Variants in ATP6V1D observed in about 807,000 individuals in gnomAD.
The protein encoded by ATP6V1D is ATPase H+ transporting V1 subunit D.
A neutral mutation model predicts 39.4 loss-of-function variants in ATP6V1D; 20 were observed. That is an observed-to-expected ratio of 0.51 (90% CI 0.36 to 0.74). ATP6V1D has a LOEUF of 0.74. ATP6V1D is among the 30% of genes least tolerant of loss of function. ATP6V1D has a pLI of 0.00. For synonymous variants in ATP6V1D, 100 were observed against 100.5 expected (o/e 0.99, Z 0.03); for missense variants, 228 against 291.6 (o/e 0.78, Z 1.59).
intron 1 of ATP6V1D, among the ~76,000 whole-genome samples, chr14:67,355,298 T>C (rs1398685101): frequency 6.6e-6 from 1 of 151,584 alleles, no homozygotes; most frequent in African/African-American, 2.4e-5. Context: ...GTCTCCTCAC[T>C]TCCTTGTTTC....
intron 5 of ATP6V1D, among the ~76,000 whole-genome samples, chr14:67,346,779 T>C (rs889345468): frequency 2.0e-5 from 3 of 152,232 alleles, no homozygotes; most frequent in Non-Finnish European, 2.9e-5. Context: ...AAGATCTTAT[T>C]TGACTTTAAA....
intron 1 of ATP6V1D, among the ~76,000 whole-genome samples, chr14:67,359,311 A>G (rs1277463830): frequency 1.1e-4 from 17 of 152,182 alleles, no homozygotes; most frequent in Admixed American, 1.1e-3. Flanking sequence ...TGAGCTCTGT[A>G]GGGCAGAGGT....
intron 1 of ATP6V1D, among the ~76,000 whole-genome samples, chr14:67,356,230 G>C (rs1176620663): frequency 6.6e-6 from 1 of 151,976 alleles, no homozygotes; most frequent in Non-Finnish European, 1.5e-5. Context: ...GACCACCCTG[G>C]CCAACATAGT....
At chr14:67,350,522 ATT>A in intron 3 of ATP6V1D, 87 bp downstream of exon 3, 1 of 1,180,572 alleles carries the variant, frequency 8.5e-7, no homozygotes, top group Non-Finnish European at 1.2e-6. Flanking sequence ...CTTAACGCTT[ATT>A]TCTAAATTAA....
intron 2 of ATP6V1D, chr14:67,352,692 G>A (rs146455659): frequency 6.7e-4 from 271 of 403,682 alleles, no homozygotes; most frequent in African/African-American, 5.2e-3. Context: ...AATAAGGTAA[G>A]AGAGGCAGGC....
At chr14:67,341,110 G>A (rs1393920611) in intron 7 of ATP6V1D, among the ~76,000 whole-genome samples, 1 of 152,242 alleles carries the variant, frequency 6.6e-6, no homozygotes, top group African/African-American at 2.4e-5. Context: ...TCTGGGAAGT[G>A]AGGAGCCTCT....
At chr14:67,348,669 G>A (rs993640262) in intron 4 of ATP6V1D, among the ~76,000 whole-genome samples, 5 of 151,046 alleles carry the variant, frequency 3.3e-5, no homozygotes, top group African/African-American at 4.9e-5. Flanking sequence ...CTACAGGCGC[G>A]TGCCACCAAA....
At chr14:67,352,451 C>T (rs2085661726) in intron 2 of ATP6V1D, among the ~76,000 whole-genome samples, 1 of 149,890 alleles carries the variant, frequency 6.7e-6, no homozygotes, top group Non-Finnish European at 1.5e-5. Flanking sequence ...AAGAAAAAGA[C>T]TAGAAATAAA....
intron 1 of ATP6V1D, among the ~76,000 whole-genome samples, chr14:67,356,434 C>CAAAAAAAAAAAAAAAAA (rs11323157): frequency 2.3e-5 from 3 of 129,742 alleles, no homozygotes; most frequent in Non-Finnish European, 3.6e-5. Flanking sequence ...AAAACAAAAA[C>CAAAAAAAAAAAAAAAAA]AAAAAAAAAA....
intron 7 of ATP6V1D, among the ~76,000 whole-genome samples, chr14:67,341,774 C>T (rs930991119): frequency 2.0e-5 from 3 of 152,192 alleles, no homozygotes; most frequent in Admixed American, 6.5e-5. Flanking sequence ...ATAGAGAAAT[C>T]GGATGGTTGC....
chr14:67,355,619 C>G (rs2085680561), intron 1 of ATP6V1D, among the ~76,000 whole-genome samples: 1 of 151,762 alleles, frequency 6.6e-6, no homozygotes, highest in Admixed American at 6.6e-5. Context: ...CTAGAACAGC[C>G]AAAGGAGCCA....
intron 7 of ATP6V1D, among the ~76,000 whole-genome samples, chr14:67,341,577 C>T (rs1167698548): frequency 1.1e-4 from 16 of 151,172 alleles, no homozygotes; most frequent in Non-Finnish European, 1.9e-4. Context: ...GGTCAGCCCC[C>T]GCCAGGCCAG....
intron 1 of ATP6V1D, 70 bp from the exon 2 acceptor site, chr14:67,353,110 CA>C: frequency 8.3e-7 from 1 of 1,205,150 alleles, no homozygotes; most frequent in Non-Finnish European, 1.2e-6. Context: ...CCCTCCCCAC[CA>C]GTGTTAAAAT....
At chr14:67,349,161 G>GA in intron 3 of ATP6V1D, 57 bp from the exon 4 acceptor site, 1 of 1,503,060 alleles carries the variant, frequency 6.7e-7, no homozygotes, top group South Asian at 1.1e-5. Flanking sequence ...AACCTACAGG[G>GA]ACCCACTGGA....
chr14:67,349,589 C>G lies in ATP6V1D; in HGVS notation c.240-485G>C, dbSNP rs1025312437. Among the ~76,000 whole-genome samples the G allele has an allele frequency of 3.9e-5, 6 of 152,218 alleles. 1 individual carries two copies. The highest frequency in any genetic ancestry group is 1.4e-4 in the African/African-American group (6 of 41,464). On this transcript the variant is annotated intron_variant, in intron 3 of 8. Transcript: ENST00000216442. ...ATAGCTCACGCCTGTAATCCTGGCA[C>G]TTTGGGAGGCCGAGGCAGGAGGATT...
intron 8 of ATP6V1D, among the ~76,000 whole-genome samples, chr14:67,339,159 C>A (rs1267861810): frequency 1.3e-5 from 2 of 152,008 alleles, no homozygotes; most frequent in African/African-American, 2.4e-5. Flanking sequence ...CCACACCTGG[C>A]TAATTTTTTG....
intron 3 of ATP6V1D, among the ~76,000 whole-genome samples, chr14:67,349,394 T>C (rs1162087327): frequency 6.6e-6 from 1 of 152,252 alleles, no homozygotes; most frequent in Admixed American, 6.5e-5. Context: ...GCTACATGGA[T>C]ATAACTTTAA....
At chr14:67,358,495 G>A (rs186130396) in intron 1 of ATP6V1D, among the ~76,000 whole-genome samples, 5 of 152,164 alleles carry the variant, frequency 3.3e-5, no homozygotes, top group African/African-American at 1.2e-4. Flanking sequence ...CAATAAAAGG[G>A]TCTAAATGTC....
At chr14:67,349,774 T>C (rs1392964041) in intron 3 of ATP6V1D, among the ~76,000 whole-genome samples, 1 of 152,204 alleles carries the variant, frequency 6.6e-6, no homozygotes, top group Non-Finnish European at 1.5e-5. Flanking sequence ...ATACCACTTA[T>C]ACACTATTGA....
Sources: allele counts gnomAD v4.1 joint callset (sites outside exome capture counted in the v4.1 genomes callset), GRCh38; gene constraint gnomAD v4.1.1; transcripts MANE v1.5; gene names NCBI Gene and HGNC (gene_info 2026-07-23, HGNC 2026-07-21).